The following SAMD5 variants were observed in gnomAD, a reference collection of about 807,000 sequenced individuals.
SAMD5 encodes the protein sterile alpha motif domain containing 5.
Under a neutral mutation model 11.3 loss-of-function variants are expected in SAMD5, and 13 were observed. That is an observed-to-expected ratio of 1.15 (90% confidence interval 0.75 to 1.83). The LOEUF is 1.83. SAMD5 is among the 40% of genes most tolerant of loss of function. The pLI is 0.00. For missense variants in SAMD5, 255 were observed against 239.1 expected (o/e 1.07, Z -0.44); for synonymous variants, 129 against 111.3 (o/e 1.16, Z -1.00).
the SAMD5 span, among the ~76,000 whole-genome samples, chr6:147,929,397 A>T: frequency 2.6e-5 from 4 of 152,264 alleles, no homozygotes; most frequent in East Asian, 7.7e-4. Context: ...TTTTATTTAC[A>T]CCAGTGGGTC....
chr6:147,562,679 G>A (rs1227584724), intron 1 of SAMD5, among the ~76,000 whole-genome samples: 1 of 152,182 alleles, frequency 6.6e-6, no homozygotes, highest in Non-Finnish European at 1.5e-5. Context: ...AAAATTAGCC[G>A]GGCTTGGTGG....
chr6:147,641,511 C>A (rs1368103771), intron 1 of SAMD5, among the ~76,000 whole-genome samples: 5 of 151,656 alleles, frequency 3.3e-5, no homozygotes, highest in Non-Finnish European at 5.9e-5. Flanking sequence ...TCAGGACAAC[C>A]TTTTCAACTT....
chr6:147,545,994 A>G (rs949685801), intron 1 of SAMD5, among the ~76,000 whole-genome samples: 1 of 152,218 alleles, frequency 6.6e-6, no homozygotes, highest in Non-Finnish European at 1.5e-5. Context: ...ATATGTGGGT[A>G]TTATTCAGGA....
At chr6:147,718,934 G>A (rs111881157) in intron 1 of SAMD5, among the ~76,000 whole-genome samples, 3,456 of 152,164 alleles carry the variant, frequency 0.023, 152 homozygotes, top group African/African-American at 0.08. Flanking sequence ...CTGGTGATCC[G>A]CCTGCCTCAG....
chr6:147,725,314 C>T (rs780459046), intron 1 of SAMD5, among the ~76,000 whole-genome samples: 9 of 150,766 alleles, frequency 6.0e-5, no homozygotes, highest in Non-Finnish European at 8.8e-5. Flanking sequence ...AAGCAGGCAG[C>T]GGAGGAGGAG....
intron 1 of SAMD5, among the ~76,000 whole-genome samples, chr6:147,629,934 A>G (rs919877313): frequency 3.4e-5 from 5 of 147,704 alleles, no homozygotes; most frequent in Admixed American, 2.7e-4. Context: ...GTCACGACCC[A>G]TAGGTTTTCT....
At chr6:147,770,803 A>T in the SAMD5 span, among the ~76,000 whole-genome samples, 2 of 152,230 alleles carry the variant, frequency 1.3e-5, no homozygotes, top group African/African-American at 2.4e-5. Context: ...GACCTTAGAC[A>T]ACTAACCTAA....
rs1293390075 is a variant in SAMD5, at chr6:147,567,427, AT to A, written c.*2975del. 1.0e-6 allele frequency: 1 copy of A among 984,596 alleles called. No homozygotes were observed. Among genetic ancestry groups the A allele is most frequent in the Non-Finnish European group, 1.2e-6 (1 of 829,322 alleles). The allele number at this position is 984,596 out of a possible 1,614,324, so 61.0% of individuals were successfully genotyped here. ...TAAATTCTAAAATTATTCTAGTAGT[AT>A]TTTCCTGCGGTGAATCTGTTAAGGA... On this transcript the variant is annotated 3_prime_UTR_variant, in exon 2 of 2. Coordinates refer to ENST00000367474, the MANE Select transcript of SAMD5 (RefSeq NM_001030060.3).
chr6:147,611,437 C>T (rs1374150835), intron 1 of SAMD5, among the ~76,000 whole-genome samples: 2 of 151,934 alleles, frequency 1.3e-5, no homozygotes, highest in African/African-American at 4.8e-5. Context: ...GTGGTGCGCG[C>T]CTGTAATCCC....
chr6:147,708,305 G>A (rs1006109614), intron 1 of SAMD5, among the ~76,000 whole-genome samples: 1 of 152,208 alleles, frequency 6.6e-6, no homozygotes, highest in East Asian at 1.9e-4. Context: ...GCCAAGGAGT[G>A]AGGCCTGGAG....
the SAMD5 span, among the ~76,000 whole-genome samples, chr6:147,834,189 C>T: frequency 1.3e-5 from 2 of 152,082 alleles, no homozygotes; most frequent in Admixed American, 1.3e-4. Flanking sequence ...CAAATGCATG[C>T]TACTAAAAGA....
At chr6:147,948,964 T>G in the SAMD5 span, among the ~76,000 whole-genome samples, 1 of 152,152 alleles carries the variant, frequency 6.6e-6, no homozygotes, top group Non-Finnish European at 1.5e-5. Flanking sequence ...AGATTCTGGA[T>G]TAAAAAGATC....
chr6:147,840,425 A>T, the SAMD5 span, among the ~76,000 whole-genome samples: 1 of 152,242 alleles, frequency 6.6e-6, no homozygotes, highest in Non-Finnish European at 1.5e-5. Flanking sequence ...ATGCATGTAC[A>T]TGTGTTCTTT....
the SAMD5 span, among the ~76,000 whole-genome samples, chr6:147,862,722 A>G: frequency 1.3e-5 from 2 of 152,220 alleles, no homozygotes; most frequent in African/African-American, 4.8e-5. Flanking sequence ...CATTACTATT[A>G]AACAGAATTT....
chr6:147,866,345 C>T, the SAMD5 span, among the ~76,000 whole-genome samples: 2 of 152,092 alleles, frequency 1.3e-5, no homozygotes, highest in East Asian at 1.9e-4. Flanking sequence ...TGTGTTACAC[C>T]AACAATACAT....
At chr6:147,557,591 T>A (rs1788877747) in intron 1 of SAMD5, among the ~76,000 whole-genome samples, 1 of 152,198 alleles carries the variant, frequency 6.6e-6, no homozygotes, top group Non-Finnish European at 1.5e-5. Flanking sequence ...CTCCTCTCCT[T>A]TCCTTGTGAG....
At chr6:147,947,198 G>T in the SAMD5 span, among the ~76,000 whole-genome samples, 35 of 152,164 alleles carry the variant, frequency 2.3e-4, 2 homozygotes, top group South Asian at 6.4e-3. Context: ...TCCCCCTTTT[G>T]CTTGCCTGTG....
the SAMD5 span, among the ~76,000 whole-genome samples, chr6:147,745,441 A>C: frequency 6.6e-6 from 1 of 152,244 alleles, no homozygotes. Flanking sequence ...AATTGTCTCA[A>C]TCTTTACAAC....
chr6:147,651,009 A>G (rs1790475774), intron 1 of SAMD5, among the ~76,000 whole-genome samples: 1 of 152,204 alleles, frequency 6.6e-6, no homozygotes, highest in Non-Finnish European at 1.5e-5. Context: ...AATTTGTGAT[A>G]GAGTTGAATA....
Sources: gnomAD v4.1 joint callset for allele counts (sites outside exome capture counted in the v4.1 genomes callset) on GRCh38, gnomAD v4.1.1 for gene constraint, MANE v1.5 for transcripts, NCBI Gene and HGNC (gene_info 2026-07-23, HGNC 2026-07-21) for gene names.